CDC25C: variants seen among roughly 807,000 people sequenced by gnomAD.
CDC25C encodes M-phase inducer phosphatase 3.
In CDC25C, 48 loss-of-function variants were observed where a neutral mutation model predicts 52.5. That is an observed-to-expected ratio of 0.91 (90% CI 0.72 to 1.16). The LOEUF is 1.16. Among genes scored for constraint, CDC25C ranks in the 50% most tolerant of loss-of-function variants. The probability of loss-of-function intolerance (pLI) is 0.00; values close to 1 mark genes in which losing one functional copy is unlikely to be tolerated. For missense variants in CDC25C, 510 were observed against 566.1 expected (o/e 0.90, Z 1.01); for synonymous variants, 187 against 206.5 (o/e 0.91, Z 0.81).
chr5:138,311,262 A>G (rs1446714439), intron 7 of CDC25C, among the ~76,000 whole-genome samples: 2 of 152,166 alleles, frequency 1.3e-5, no homozygotes, highest in Admixed American at 6.5e-5. Context: ...TGAATCAAAG[A>G]CCTAAACTTA....
At chr5:138,331,890 C>A, upstream of CDC25C, 1 of 985,680 alleles carries the variant, frequency 1.0e-6, no homozygotes, top group Non-Finnish European at 1.2e-6. Context: ...GTCAGCCAAT[C>A]TCCGCGCGCG....
At chr5:138,338,348 G>A (rs1387418205), upstream of CDC25C, 1 of 440,500 alleles carries the variant, frequency 2.3e-6, no homozygotes, top group Non-Finnish European at 4.4e-6. Flanking sequence ...CCTCGGGGCG[G>A]GCACCTCAAC....
rs1401024267 is a variant in CDC25C, at chr5:138,292,503, AC to A, written c.616-388del. On this transcript the variant is annotated intron_variant, in intron 7 of 13. Coordinates refer to ENST00000323760, the MANE Select transcript of CDC25C (RefSeq NM_001790.5). ...ACCAAAAAAAAAAAAAAAAAAAAAA[AC>A]ATAAGTCCATTTTGTCTCTGGGATC... is the stretch of plus-strand genomic sequence containing the variant. Among the ~76,000 whole-genome samples, 146 of 151,478 alleles carry A rather than the reference AC, an allele frequency of 9.6e-4. 2 individuals carry two copies. The highest frequency in any genetic ancestry group is 9.4e-3 in the South Asian group (45 of 4,766).
intron 6 of CDC25C, among the ~76,000 whole-genome samples, chr5:138,320,915 C>CAAAAAAAAAAA (rs57923567): frequency 2.4e-5 from 1 of 42,228 alleles, no homozygotes; most frequent in African/African-American, 1.1e-4. Context: ...GACTCTGTCT[C>CAAAAAAAAAAA]AAAAAAAAAA....
chr5:138,330,195 AT>A lies in CDC25C; in HGVS notation c.195-549del, dbSNP rs879534356. Among the ~76,000 whole-genome samples, 346 of 147,042 alleles carry A rather than the reference AT, an allele frequency of 2.4e-3. 2 individuals are homozygous for A. Among genetic ancestry groups the A allele is most frequent in the South Asian group, 0.012 (57 of 4,640 alleles). On this transcript the variant is annotated intron_variant, in intron 2 of 13. Transcript: ENST00000323760. ...CCTTACCAACATACTGAAACAGATAATTTTTTTTTTTTTAAATGAGGCCCAG... is the reference window on the plus strand; with the variant it reads ...CCTTACCAACATACTGAAACAGATAATTTTTTTTTTTTAAATGAGGCCCAG...
At position 138,286,852 on chromosome 5, in the gene CDC25C, G is replaced by A. The variant is rs117980894; in HGVS notation, c.1027-222C>T. 2.6e-5 allele frequency among the ~76,000 whole-genome samples: 4 copies of A among 152,292 alleles called. No homozygotes were observed. The East Asian group carries it at 7.7e-4, about 29-fold the overall frequency. The stretch of plus-strand genomic sequence containing the variant: ...TGTTTATAGACCTGAACCACTGGAA[G>A]TATAGAGATCACTGCGAGGAATGTT... On this transcript the variant is annotated intron_variant, in intron 11 of 13. Coordinates refer to ENST00000323760, the MANE Select transcript of CDC25C (RefSeq NM_001790.5).
exon 1 of CDC25C, chr5:138,337,974 C>G: frequency 7.8e-7 from 1 of 1,289,656 alleles, no homozygotes; most frequent in Non-Finnish European, 1.0e-6. Context: ...GACATGGCCT[C>G]CCCCGCGGGT....
rs758553279 is a variant in CDC25C at position 138,286,556 on chromosome 5, G to C, written c.1101C>G (p.Thr367=). ...GGAACACGATGATTATTCTCTTCTGGGTGTCCAAAGGGACGATGGGCTTCT... is the reference window on the plus strand; with the variant it reads ...GGAACACGATGATTATTCTCTTCTGCGTGTCCAAAGGGACGATGGGCTTCT... ...FLKKPIVPLD[T]QKRIIIVFHC... Residue 367 remains threonine (T), a synonymous_variant, in exon 12 of 14, where the codon ACC becomes ACG. Coordinates refer to ENST00000323760, the MANE Select transcript of CDC25C (RefSeq NM_001790.5). 2 of 1,613,776 alleles carry C rather than the reference G, an allele frequency of 1.2e-6. No individual in the cohort carries two copies. The highest frequency in any genetic ancestry group is 3.3e-5 in the Admixed American group (2 of 59,998).
chr5:138,291,206 T>C (rs1387754234), intron 8 of CDC25C, among the ~76,000 whole-genome samples: 2 of 151,988 alleles, frequency 1.3e-5, no homozygotes, highest in Admixed American at 1.3e-4. Flanking sequence ...TAAGTGATCC[T>C]CCCATCTATT....
At chr5:138,327,136 T>C (rs1759948142) in intron 4 of CDC25C, among the ~76,000 whole-genome samples, 1 of 149,820 alleles carries the variant, frequency 6.7e-6, no homozygotes, top group African/African-American at 2.5e-5. Context: ...GTGCCTGTAG[T>C]CCCAGCCTCT....
chr5:138,290,868 T>C, intron 8 of CDC25C, 128 bp from the exon 9 acceptor site: 1 of 618,774 alleles, frequency 1.6e-6, no homozygotes, highest in Non-Finnish European at 2.9e-6. Flanking sequence ...GGTAGGGAGA[T>C]CACTTGAGCC....
intron 6 of CDC25C, among the ~76,000 whole-genome samples, chr5:138,322,446 C>T (rs1234113429): frequency 6.7e-6 from 1 of 149,220 alleles, no homozygotes; most frequent in Non-Finnish European, 1.5e-5. Context: ...ATTACAGATG[C>T]CTGCCACCAC....
intron 7 of CDC25C, among the ~76,000 whole-genome samples, chr5:138,308,321 TAC>T (rs1432188131): frequency 6.6e-6 from 1 of 152,218 alleles, no homozygotes; most frequent in Non-Finnish European, 1.5e-5. Flanking sequence ...CACTGTACTG[TAC>T]TTAATTTCAT....
In CDC25C at chr5:138,319,524, C is replaced by T. The variant is rs140044771; in HGVS notation, c.460-150G>A. Reference sequence around the variant, plus strand: ...ATAATGCCACCAAAAGCACAGGTAACGAAAGAAAAAAACAGATAAATTGGT... The same window carrying T: ...ATAATGCCACCAAAAGCACAGGTAATGAAAGAAAAAAACAGATAAATTGGT... On this transcript the variant is annotated intron_variant, in intron 6 of 13. Transcript: ENST00000323760. 978 of 541,692 alleles carry T rather than the reference C, an allele frequency of 1.8e-3. 6 individuals are homozygous for T. Among genetic ancestry groups the T allele is most frequent in the African/African-American group, 0.015 (771 of 51,170 alleles). 33.6% of individuals were successfully genotyped at this position (541,692 alleles called of 1,614,324 possible). A position where few individuals can be genotyped will look rare whatever the true frequency, so the allele number is the denominator to read the frequency against.
At chr5:138,291,055 AG>A (rs1375908475) in intron 8 of CDC25C, among the ~76,000 whole-genome samples, 3 of 152,148 alleles carry the variant, frequency 2.0e-5, no homozygotes, top group Non-Finnish European at 4.4e-5. Flanking sequence ...ACCCCATCTC[AG>A]GGGAAAATAA....
chr5:138,327,497 G>A (rs914460510), intron 4 of CDC25C, among the ~76,000 whole-genome samples: 13 of 151,576 alleles, frequency 8.6e-5, no homozygotes, highest in Middle Eastern at 3.2e-3. Flanking sequence ...TTAGCCGGGC[G>A]TGGTGGTGGA....
At chr5:138,306,314 T>C (rs1305557352) in intron 7 of CDC25C, among the ~76,000 whole-genome samples, 1 of 152,100 alleles carries the variant, frequency 6.6e-6, no homozygotes, top group African/African-American at 2.4e-5. Context: ...TCTGTTTTGT[T>C]CACCATCGTA....
At chr5:138,333,697 A>G (rs1157707094), upstream of CDC25C, 1 of 152,226 alleles carries the variant, frequency 6.6e-6, no homozygotes, top group Non-Finnish European at 1.5e-5. Context: ...GATTATGGCA[A>G]GTGCACACCT....
intron 7 of CDC25C, among the ~76,000 whole-genome samples, chr5:138,310,248 T>A (rs1402747704): frequency 2.0e-5 from 3 of 152,188 alleles, no homozygotes; most frequent in Non-Finnish European, 4.4e-5. Context: ...CCAATCTCGC[T>A]TCCAGGCCAG....
Sources: allele counts gnomAD v4.1 joint callset (sites outside exome capture counted in the v4.1 genomes callset), GRCh38; gene constraint gnomAD v4.1.1; transcripts MANE v1.5; gene names NCBI Gene and HGNC (gene_info 2026-07-23, HGNC 2026-07-21).